Variants in AUTS2 observed in about 807,000 individuals in gnomAD.
AUTS2 encodes the protein autism susceptibility gene 2 protein.
Under a neutral mutation model 112.4 loss-of-function variants are expected in AUTS2, and 17 were observed. That is an observed-to-expected ratio of 0.15 (90% CI 0.10 to 0.23). The LOEUF is 0.23. Among genes scored for constraint, AUTS2 ranks in the 10% least tolerant of loss-of-function variants. AUTS2 has a pLI of 1.00. For synonymous variants in AUTS2, 751 were observed against 702.7 expected (o/e 1.07, Z -1.09); for missense variants, 1,510 against 1,701.6 (o/e 0.89, Z 1.98).
At chr7:70,064,033 C>G (rs1164976285) in intron 2 of AUTS2, among the ~76,000 whole-genome samples, 1 of 152,198 alleles carries the variant, frequency 6.6e-6, no homozygotes, top group African/African-American at 2.4e-5. Context: ...CATTCTATTA[C>G]AGAAGAGCCA....
At chr7:69,612,484 T>C (rs772540368) in intron 1 of AUTS2, among the ~76,000 whole-genome samples, 1 of 152,020 alleles carries the variant, frequency 6.6e-6, no homozygotes, top group Non-Finnish European at 1.5e-5. Flanking sequence ...TTTTTAGACA[T>C]GTTCTCGCTC....
rs10684331 is a variant in AUTS2, at chr7:69,729,994, A to ATTTT, written c.309+130054_309+130057dup. Among the ~76,000 whole-genome samples, 95 of 56,748 alleles carry ATTTT rather than the reference A, an allele frequency of 1.7e-3. 3 individuals are homozygous for ATTTT. The highest frequency in any genetic ancestry group is 3.0e-3 in the African/African-American group (36 of 11,880). The allele number at this position is 56,748 out of a possible 152,430, so 37.2% of individuals were successfully genotyped here. A position where few individuals can be genotyped will look rare whatever the true frequency, so the allele number is the denominator to read the frequency against. On this transcript the variant is annotated intron_variant, in intron 1 of 18. Transcript: ENST00000342771. ...GTTTTTTTTTGTTGTTGTTGTTTTA[A>ATTTT]TTTTTTTTTTTTTTTTTTTTTTTTT...
chr7:70,129,094 G>C (rs549404633), intron 3 of AUTS2, among the ~76,000 whole-genome samples: 1 of 152,274 alleles, frequency 6.6e-6, no homozygotes, highest in South Asian at 2.1e-4. Flanking sequence ...AGCAGAACAT[G>C]ATTTATTATG....
intron 4 of AUTS2, among the ~76,000 whole-genome samples, chr7:70,284,966 G>T (rs745643546): frequency 6.6e-6 from 1 of 152,208 alleles, no homozygotes; most frequent in Non-Finnish European, 1.5e-5. Flanking sequence ...TCCTCTGCAT[G>T]TGCAGCTTTT....
At chr7:70,574,568 G>A (rs913030345) in intron 5 of AUTS2, among the ~76,000 whole-genome samples, 37 of 152,072 alleles carry the variant, frequency 2.4e-4, no homozygotes, top group African/African-American at 8.9e-4. Flanking sequence ...CAGAAGTTTG[G>A]GCTTTTCCAT....
At chr7:70,228,332 C>T (rs781095135) in intron 4 of AUTS2, among the ~76,000 whole-genome samples, 3 of 151,008 alleles carry the variant, frequency 2.0e-5, no homozygotes, top group Middle Eastern at 3.2e-3. Flanking sequence ...TAAAATGTAT[C>T]GCTTTTAGAA....
intron 2 of AUTS2, among the ~76,000 whole-genome samples, chr7:70,026,878 C>T (rs541905520): frequency 6.6e-6 from 1 of 151,936 alleles, no homozygotes; most frequent in African/African-American, 2.4e-5. Context: ...GAAGCTTATT[C>T]GTGGTTAGTT....
chr7:70,696,501 G>T (rs1485792560), intron 5 of AUTS2, among the ~76,000 whole-genome samples: 6 of 152,128 alleles, frequency 3.9e-5, no homozygotes, highest in Non-Finnish European at 8.8e-5. Context: ...CTGAATATCC[G>T]GTCAGACTTA....
chr7:69,990,800 T>C (rs1487689790), intron 2 of AUTS2, among the ~76,000 whole-genome samples: 1 of 152,252 alleles, frequency 6.6e-6, no homozygotes, highest in Non-Finnish European at 1.5e-5. Flanking sequence ...ATCTGCATTA[T>C]ACTTATAAGT....
chr7:69,922,241 A>C (rs1199832021), intron 2 of AUTS2, among the ~76,000 whole-genome samples: 1 of 152,232 alleles, frequency 6.6e-6, no homozygotes, highest in Non-Finnish European at 1.5e-5. Context: ...ATGTGGTTAC[A>C]TATAAACTTA....
chr7:69,929,919 G>A (rs1228935205), intron 2 of AUTS2, among the ~76,000 whole-genome samples: 2 of 152,104 alleles, frequency 1.3e-5, no homozygotes, highest in African/African-American at 2.4e-5. Context: ...TACCTTGTTG[G>A]ATGCTAGGTA....
At chr7:70,482,209 A>G (rs1008066836) in intron 5 of AUTS2, among the ~76,000 whole-genome samples, 3 of 152,202 alleles carry the variant, frequency 2.0e-5, no homozygotes, top group Non-Finnish European at 2.9e-5. Context: ...TCTGGAGGAC[A>G]AAGCTGTAAG....
chr7:69,842,093 A>G (rs559603467), intron 1 of AUTS2, among the ~76,000 whole-genome samples: 123 of 152,304 alleles, frequency 8.1e-4, no homozygotes, highest in African/African-American at 2.9e-3. Flanking sequence ...AAAAGTTTAT[A>G]TGTAATTTCT....
rs1798100793 is a variant in AUTS2 at position 69,977,293 on chromosome 7, G to T, written c.522+77795G>T. Among the ~76,000 whole-genome samples the T allele has an allele frequency of 2.6e-5, 4 of 151,994 alleles. 1 individual carries two copies. The highest frequency in any genetic ancestry group is 1.3e-4 in the Admixed American group (2 of 15,254). Reference sequence around the variant, plus strand: ...TCTGGGCTTGATATTATATTCCATTGGTCTGTTTATCTGTCTTCGTGCCAG... The same window carrying T: ...TCTGGGCTTGATATTATATTCCATTTGTCTGTTTATCTGTCTTCGTGCCAG... On this transcript the variant is annotated intron_variant, in intron 2 of 18. Transcript: ENST00000342771.
intron 5 of AUTS2, among the ~76,000 whole-genome samples, chr7:70,640,572 GGT>G (rs56257017): frequency 0.26 from 38,929 of 150,010 alleles, 5,530 homozygotes; most frequent in Middle Eastern, 0.32. Flanking sequence ...CAGAACTAAT[GGT>G]GTGTGTGTGT....
At chr7:70,583,427 GTGAATTCCC>G in intron 5 of AUTS2, among the ~76,000 whole-genome samples, 1 of 152,354 alleles carries the variant, frequency 6.6e-6, no homozygotes, top group East Asian at 1.9e-4. Context: ...GTGATTAGCA[GTGAATTCCC>G]TGATCTCCCT....
In AUTS2 at chr7:70,446,675, C is replaced by G. The variant is rs1344023302; in HGVS notation, c.690+10894C>G. The stretch of plus-strand genomic sequence containing the variant: ...GATTATTTGCCATAACCGAGTATGA[C>G]ATGACCGCACTACAGAGTGCATTAA... On this transcript the variant is annotated intron_variant, in intron 5 of 18. Coordinates refer to ENST00000342771, the MANE Select transcript of AUTS2 (RefSeq NM_015570.4). Among the ~76,000 whole-genome samples, 3 of 152,190 alleles carry G rather than the reference C, an allele frequency of 2.0e-5. 1 individual carries two copies. Among genetic ancestry groups the G allele is most frequent in the Non-Finnish European group, 4.4e-5 (3 of 68,038 alleles).
intron 2 of AUTS2, among the ~76,000 whole-genome samples, chr7:69,981,464 A>G (rs1798291510): frequency 6.6e-6 from 1 of 152,214 alleles, no homozygotes; most frequent in Non-Finnish European, 1.5e-5. Context: ...TTTATTCAAT[A>G]TTTCAAATTA....
chr7:70,485,972 A>C (rs1585201908), intron 5 of AUTS2, among the ~76,000 whole-genome samples: 1 of 151,676 alleles, frequency 6.6e-6, no homozygotes, highest in Admixed American at 6.6e-5. Context: ...CTTGTTGAAG[A>C]AAAAAACCTT....
Sources: allele counts gnomAD v4.1 joint callset (sites outside exome capture counted in the v4.1 genomes callset), GRCh38; gene constraint gnomAD v4.1.1; transcripts MANE v1.5; gene names NCBI Gene and HGNC (gene_info 2026-07-23, HGNC 2026-07-21).